Variants in DPP10 observed in about 807,000 individuals in gnomAD.
DPP10 encodes inactive dipeptidyl peptidase 10.
A neutral mutation model predicts 120.9 loss-of-function variants in DPP10; 33 were observed. The observed-to-expected ratio is 0.27, with a 90% CI of 0.21 to 0.37. DPP10 has a LOEUF of 0.37. Ranked by LOEUF, DPP10 falls within the 10% of genes least tolerant of loss-of-function variation. The pLI is 1.00. For missense variants in DPP10, 816 were observed against 942.8 expected (o/e 0.87, Z 1.76); for synonymous variants, 337 against 326.1 (o/e 1.03, Z -0.36).
intron 1 of DPP10, among the ~76,000 whole-genome samples, chr2:115,000,880 G>A (rs938550532): frequency 6.7e-6 from 1 of 149,708 alleles, no homozygotes; most frequent in African/African-American, 2.5e-5. Context: ...AATTCCTAAC[G>A]AGTGAAATCA....
In DPP10 at chr2:115,535,336, G is replaced by A. The variant is rs868463083; in HGVS notation, c.441+9364G>A. On this transcript the variant is annotated intron_variant, in intron 5 of 25. Transcript: ENST00000410059. ...AGTTTCAGCTTTCTACATATGGCTA[G>A]CCAGTTTTCCCAGCACCATTTATTA... Among the ~76,000 whole-genome samples, 561 of 150,772 alleles carry A rather than the reference G, an allele frequency of 3.7e-3. 1 individual carries two copies. The highest frequency in any genetic ancestry group is 0.013 in the African/African-American group (527 of 41,338).
intron 1 of DPP10, among the ~76,000 whole-genome samples, chr2:115,290,487 C>T (rs557610979): frequency 9.6e-4 from 146 of 152,246 alleles, no homozygotes; most frequent in Non-Finnish European, 1.7e-3. Flanking sequence ...TGGCTGTTCA[C>T]TGTGCACTTC....
intron 3 of DPP10, among the ~76,000 whole-genome samples, chr2:115,433,468 C>T (rs2071199253): frequency 6.6e-6 from 1 of 151,762 alleles, no homozygotes; most frequent in South Asian, 2.1e-4. Flanking sequence ...TGTGTGTGTG[C>T]ATATACATAT....
intron 1 of DPP10, among the ~76,000 whole-genome samples, chr2:114,509,744 G>T (rs899998562): frequency 6.6e-6 from 1 of 152,140 alleles, no homozygotes; most frequent in Non-Finnish European, 1.5e-5. Flanking sequence ...GATAGTGTTG[G>T]ATATTTGAAG....
intron 1 of DPP10, among the ~76,000 whole-genome samples, chr2:114,966,560 A>G (rs1036346032): frequency 2.0e-5 from 3 of 152,084 alleles, no homozygotes; most frequent in Non-Finnish European, 4.4e-5. Flanking sequence ...TGAACTTTCC[A>G]TCCATTAGAT....
chr2:114,755,951 T>TAAA (rs57668109), intron 1 of DPP10, among the ~76,000 whole-genome samples: 28 of 129,730 alleles, frequency 2.2e-4, no homozygotes, highest in African/African-American at 5.2e-4. Context: ...AGGAAGAAAT[T>TAAA]AAAAAAAAAA....
At chr2:115,277,227 C>G (rs1258850450) in intron 1 of DPP10, among the ~76,000 whole-genome samples, 2 of 152,048 alleles carry the variant, frequency 1.3e-5, no homozygotes, top group Non-Finnish European at 2.9e-5. Context: ...AGTTCCCTCC[C>G]AAAAGAAAAT....
intron 5 of DPP10, among the ~76,000 whole-genome samples, chr2:115,629,505 A>T (rs938942200): frequency 5.3e-5 from 8 of 152,130 alleles, no homozygotes; most frequent in African/African-American, 1.9e-4. Flanking sequence ...AATGATTGCC[A>T]TTCTAACTGG....
chr2:114,988,620 TTC>T (rs2104910793), intron 1 of DPP10, among the ~76,000 whole-genome samples: 1 of 152,358 alleles, frequency 6.6e-6, no homozygotes, highest in African/African-American at 2.4e-5. Flanking sequence ...GTAGCCCTTT[TTC>T]TCATCTATCG....
intron 1 of DPP10, among the ~76,000 whole-genome samples, chr2:115,003,457 C>T (rs1701590765): frequency 6.6e-6 from 1 of 151,764 alleles, no homozygotes; most frequent in African/African-American, 2.4e-5. Flanking sequence ...TACACGAAAC[C>T]CCCATGACAT....
In DPP10 at chr2:114,695,764, T is replaced by A. The variant is rs1376923878; in HGVS notation, c.60+252926T>A. On this transcript the variant is annotated intron_variant, in intron 1 of 25. Coordinates refer to ENST00000410059, the MANE Select transcript of DPP10 (RefSeq NM_020868.6). ...CCATAATTGCACAGGAGAATTGGAG[T>A]CTTGTAAAAATTTAGAGTACTTCAT... 1.2e-4 allele frequency among the ~76,000 whole-genome samples: 18 copies of A among 152,122 alleles called. 1 individual carries two copies. The highest frequency in any genetic ancestry group is 1.2e-3 in the Admixed American group (18 of 15,250).
At chr2:115,085,915 G>C (rs754261242) in intron 1 of DPP10, among the ~76,000 whole-genome samples, 1 of 152,080 alleles carries the variant, frequency 6.6e-6, no homozygotes, top group Admixed American at 6.6e-5. Context: ...AAGGGGTGTC[G>C]GGAGTCATGC....
chr2:114,995,170 G>A (rs1419732322), intron 1 of DPP10, among the ~76,000 whole-genome samples: 1 of 152,184 alleles, frequency 6.6e-6, no homozygotes, highest in Non-Finnish European at 1.5e-5. Context: ...TGAAGGACAC[G>A]TGGAGCACAG....
chr2:114,993,069 C>T (rs1466398967), intron 1 of DPP10, among the ~76,000 whole-genome samples: 1 of 152,164 alleles, frequency 6.6e-6, no homozygotes, highest in Admixed American at 6.5e-5. Flanking sequence ...AGTTATTTCT[C>T]CTTCCTTGGA....
chr2:114,812,019 C>A (rs12711807), intron 1 of DPP10, among the ~76,000 whole-genome samples: 22,849 of 152,066 alleles, frequency 0.15, 1,972 homozygotes, highest in African/African-American at 0.23. Context: ...TTACATTTTC[C>A]TCTATGCGAG....
intron 5 of DPP10, among the ~76,000 whole-genome samples, chr2:115,544,611 A>G (rs753668331): frequency 8.5e-5 from 13 of 152,070 alleles, no homozygotes; most frequent in Non-Finnish European, 1.8e-4. Flanking sequence ...CCTCCCATCA[A>G]GAGTATAACT....
chr2:115,378,708 T>C (rs1441742594), intron 3 of DPP10, among the ~76,000 whole-genome samples: 1 of 152,126 alleles, frequency 6.6e-6, no homozygotes, highest in East Asian at 1.9e-4. Context: ...ATAGCTCTTA[T>C]TATTTTCAAA....
chr2:115,605,796 T>C (rs1439264304), intron 5 of DPP10, among the ~76,000 whole-genome samples: 1 of 152,114 alleles, frequency 6.6e-6, no homozygotes. Context: ...ACCTAGTATG[T>C]GAGAGGATCA....
At chr2:114,617,794 A>T (rs1380009865) in intron 1 of DPP10, among the ~76,000 whole-genome samples, 1 of 152,112 alleles carries the variant, frequency 6.6e-6, no homozygotes, top group East Asian at 1.9e-4. Flanking sequence ...TTGCTATTAC[A>T]TTATGTGACT....
Sources: allele counts gnomAD v4.1 joint callset (sites outside exome capture counted in the v4.1 genomes callset), GRCh38; gene constraint gnomAD v4.1.1; transcripts MANE v1.5; gene names NCBI Gene and HGNC (gene_info 2026-07-23, HGNC 2026-07-21).